The following SYTL5 variants were observed in gnomAD, a reference collection of about 807,000 sequenced individuals.
SYTL5 encodes synaptotagmin-like protein 5.
A neutral mutation model predicts 55.9 loss-of-function variants in SYTL5; 34 were observed. That is an observed-to-expected ratio of 0.61 (90% CI 0.46 to 0.81). The LOEUF (loss-of-function observed/expected upper bound fraction) is 0.81. Among genes scored for constraint, SYTL5 ranks in the 30% least tolerant of loss-of-function variants. SYTL5 has a pLI of 0.00. For synonymous variants in SYTL5, 221 were observed against 188.7 expected (o/e 1.17, Z -1.40); for missense variants, 637 against 546.7 (o/e 1.17, Z -1.65).
the SYTL5 span, among the ~76,000 whole-genome samples, chrX:37,971,697 C>T: frequency 9.0e-6 from 1 of 111,575 alleles, no homozygotes; most frequent in East Asian, 2.8e-4. Context: ...TGTAAATGTG[C>T]ACAAAGACCA....
At chrX:38,053,737 G>A (rs1220421054) in intron 2 of SYTL5, among the ~76,000 whole-genome samples, 1 of 111,908 alleles carries the variant, frequency 8.9e-6, no homozygotes, top group African/African-American at 3.2e-5. Flanking sequence ...AAAGAACCAG[G>A]TACTGTGTAT....
intron 6 of SYTL5, among the ~76,000 whole-genome samples, chrX:38,082,113 G>A (rs1350410594): frequency 8.9e-6 from 1 of 111,879 alleles, no homozygotes; most frequent in Non-Finnish European, 1.9e-5. Context: ...TCAATAATGT[G>A]AGAAGGTATG....
intron 13 of SYTL5, among the ~76,000 whole-genome samples, chrX:38,116,206 A>G (rs1358813058): frequency 9.0e-6 from 1 of 111,684 alleles, no homozygotes; most frequent in Non-Finnish European, 1.9e-5. Context: ...TCCTTTCCCC[A>G]TTGTGTATTT....
chrX:38,067,497 C>A (rs1473675991), intron 3 of SYTL5, among the ~76,000 whole-genome samples: 1 of 111,411 alleles, frequency 9.0e-6, no homozygotes, highest in African/African-American at 3.3e-5. Context: ...TTGCCTCCTG[C>A]AAAAGTTAAA....
chrX:37,903,170 T>C, the SYTL5 span, among the ~76,000 whole-genome samples: 2 of 110,956 alleles, frequency 1.8e-5, no homozygotes, highest in African/African-American at 6.6e-5. Flanking sequence ...GAACTAGAAA[T>C]ACCATTCGAC....
intron 3 of SYTL5, among the ~76,000 whole-genome samples, chrX:38,068,875 C>A (rs1307929041): frequency 9.0e-6 from 1 of 111,192 alleles, no homozygotes; most frequent in Non-Finnish European, 1.9e-5. Flanking sequence ...ACACAATATA[C>A]CCACGTAACA....
chrX:38,108,433 G>T (rs1371972701), intron 11 of SYTL5, among the ~76,000 whole-genome samples, 167 bp from the exon 12 acceptor site: 1 of 111,677 alleles, frequency 9.0e-6, no homozygotes, highest in Non-Finnish European at 1.9e-5. Flanking sequence ...TCTTACGGAA[G>T]GCCCAGTGTT....
At chrX:38,000,557 G>A in the SYTL5 span, among the ~76,000 whole-genome samples, 1 of 111,886 alleles carries the variant, frequency 8.9e-6, no homozygotes, top group Non-Finnish European at 1.9e-5. Flanking sequence ...GTTTACAGAT[G>A]AAGCCTCAGT....
At chrX:38,119,921 T>C (rs1258371435) in intron 13 of SYTL5, among the ~76,000 whole-genome samples, 1 of 112,363 alleles carries the variant, frequency 8.9e-6, no homozygotes, top group East Asian at 2.8e-4. Context: ...TACTTTTCCA[T>C]TCTTGATCAC....
At chrX:38,079,912 T>C (rs1221875156) in intron 6 of SYTL5, among the ~76,000 whole-genome samples, 2 of 112,595 alleles carry the variant, frequency 1.8e-5, no homozygotes, top group Non-Finnish European at 1.9e-5. Context: ...GATGCCCAGG[T>C]ATGTATAGTT....
At chrX:38,010,752 A>G (rs933383143) in intron 1 of SYTL5, among the ~76,000 whole-genome samples, 4 of 111,703 alleles carry the variant, frequency 3.6e-5, no homozygotes, top group Admixed American at 2.8e-4. Context: ...TTATAGGATT[A>G]TTGCCCAAAG....
intron 3 of SYTL5, among the ~76,000 whole-genome samples, chrX:38,063,240 G>T (rs755168818): frequency 9.0e-6 from 1 of 111,412 alleles, no homozygotes; most frequent in South Asian, 3.8e-4. Context: ...TTTTCATAGT[G>T]CAGCTACAAG....
At chrX:38,126,468 T>A in intron 16 of SYTL5, 120 bp from the exon 17 acceptor site, 1 of 677,069 alleles carries the variant, frequency 1.5e-6, no homozygotes, top group Non-Finnish European at 2.2e-6. Flanking sequence ...ATATACTAAG[T>A]GAGAACAAGC....
upstream of SYTL5, among the ~76,000 whole-genome samples, chrX:38,005,345 A>G (rs1282589318): frequency 1.8e-5 from 2 of 111,939 alleles, no homozygotes; most frequent in Non-Finnish European, 3.8e-5. Flanking sequence ...ACAAGAAAAT[A>G]TCACCTATTG....
intron 9 of SYTL5, among the ~76,000 whole-genome samples, chrX:38,099,125 A>T (rs1311860014): frequency 1.8e-5 from 2 of 111,020 alleles, no homozygotes; most frequent in Non-Finnish European, 3.8e-5. Flanking sequence ...ACATGCATAC[A>T]ATAGGTAAAT....
At chrX:37,967,238 G>A in the SYTL5 span, among the ~76,000 whole-genome samples, 1 of 111,403 alleles carries the variant, frequency 9.0e-6, no homozygotes, top group South Asian at 3.8e-4. Flanking sequence ...TTTTAGTAGA[G>A]ACGGGGTTTT....
At chrX:38,104,610 A>G (rs756121645) in intron 10 of SYTL5, among the ~76,000 whole-genome samples, 18 of 112,007 alleles carry the variant, frequency 1.6e-4, no homozygotes, top group Non-Finnish European at 1.9e-4. Context: ...TTCTTTGGTC[A>G]GTCTCTACTT....
the SYTL5 span, among the ~76,000 whole-genome samples, chrX:37,905,240 G>A: frequency 9.0e-6 from 1 of 110,851 alleles, no homozygotes; most frequent in Non-Finnish European, 1.9e-5. Context: ...AAGACCCAGG[G>A]GGGATATGAG....
the SYTL5 span, among the ~76,000 whole-genome samples, chrX:37,978,764 C>A: frequency 9.0e-6 from 1 of 110,656 alleles, no homozygotes; most frequent in Admixed American, 9.6e-5. Context: ...ACAAAATAAC[C>A]TAGAAAACTG....
Sources: gnomAD v4.1 joint callset for allele counts (sites outside exome capture counted in the v4.1 genomes callset) on GRCh38, gnomAD v4.1.1 for gene constraint, MANE v1.5 for transcripts, NCBI Gene and HGNC (gene_info 2026-07-23, HGNC 2026-07-21) for gene names.